Variants in HGD observed in about 807,000 individuals in gnomAD.
HGD encodes the protein homogentisate oxidase.
In HGD, 61 loss-of-function variants were observed where a neutral mutation model predicts 60.8. The observed-to-expected ratio is 1.00, with a 90% CI of 0.82 to 1.24. The LOEUF (loss-of-function observed/expected upper bound fraction) is 1.24. Ranked by LOEUF, HGD falls within the 50% of genes most tolerant of loss-of-function variation. The probability of loss-of-function intolerance (pLI) is 0.00; values close to 1 mark genes in which losing one functional copy is unlikely to be tolerated. For synonymous variants in HGD, 212 were observed against 187.7 expected (o/e 1.13, Z -1.06); for missense variants, 542 against 547.1 (o/e 0.99, Z 0.09).
intron 13 of HGD, among the ~76,000 whole-genome samples, chr3:120,631,366 T>C (rs1940586706): frequency 6.6e-6 from 1 of 152,186 alleles, no homozygotes. Flanking sequence ...AATTGGATTG[T>C]TTGTAACACA....
intron 13 of HGD, among the ~76,000 whole-genome samples, chr3:120,629,802 T>A (rs1213247587): frequency 6.6e-6 from 1 of 152,016 alleles, no homozygotes; most frequent in Non-Finnish European, 1.5e-5. Context: ...TAGAAAGAAA[T>A]AAAGTGCATC....
intron 13 of HGD, among the ~76,000 whole-genome samples, chr3:120,631,515 G>C (rs770108282): frequency 1.3e-5 from 2 of 152,020 alleles, no homozygotes; most frequent in Non-Finnish European, 2.9e-5. Context: ...TAAATAATAA[G>C]TAATAAAGAT....
intron 13 of HGD, among the ~76,000 whole-genome samples, chr3:120,628,996 C>T (rs529829958): frequency 1.4e-4 from 22 of 152,038 alleles, no homozygotes; most frequent in East Asian, 3.9e-4. Context: ...GACAAGTCAT[C>T]GCAGAACTGG....
chr3:120,630,133 A>G (rs1407884191), intron 13 of HGD, among the ~76,000 whole-genome samples: 3 of 152,174 alleles, frequency 2.0e-5, no homozygotes, highest in Non-Finnish European at 4.4e-5. Context: ...GAAGACACAA[A>G]CAAATGGAAA....
chr3:120,660,531 A>G (rs1941629356), intron 4 of HGD, among the ~76,000 whole-genome samples: 1 of 152,226 alleles, frequency 6.6e-6, no homozygotes, highest in Non-Finnish European at 1.5e-5. Flanking sequence ...TTAGATTTCT[A>G]AAAGTCTTTC....
At chr3:120,664,381 TTTCTC>T (rs1707849521) in intron 4 of HGD, among the ~76,000 whole-genome samples, 1 of 152,022 alleles carries the variant, frequency 6.6e-6, no homozygotes, top group Non-Finnish European at 1.5e-5. Flanking sequence ...TAACTTTTCT[TTTCTC>T]TTTCTTTTCT....
intron 5 of HGD, 101 bp downstream of exon 5, chr3:120,652,491 G>T: frequency 2.3e-6 from 2 of 856,780 alleles, no homozygotes; most frequent in Non-Finnish European, 4.0e-6. Flanking sequence ...GCTGCCTCCT[G>T]ATAGGGCTGC....
At chr3:120,657,835 GA>G (rs1941543551) in intron 4 of HGD, among the ~76,000 whole-genome samples, 1 of 149,084 alleles carries the variant, frequency 6.7e-6, no homozygotes, top group Non-Finnish European at 1.5e-5. Flanking sequence ...GAGAGAGAGA[GA>G]GAAAGAGAGA....
chr3:120,630,847 C>CAT (rs1940570292), intron 13 of HGD, among the ~76,000 whole-genome samples: 3 of 78,516 alleles, frequency 3.8e-5, no homozygotes, highest in African/African-American at 1.2e-4. Context: ...CACACATACA[C>CAT]ACACACACAC....
At chr3:120,663,770 T>C (rs1707832137) in intron 4 of HGD, among the ~76,000 whole-genome samples, 1 of 46,004 alleles carries the variant, frequency 2.2e-5, no homozygotes, top group African/African-American at 4.4e-5. Flanking sequence ...TATCTCACAA[T>C]ATTAGGAATT....
At chr3:120,647,091 T>G (rs1435051158) in intron 7 of HGD, 39 bp from the exon 8 acceptor site, 1 of 1,501,808 alleles carries the variant, frequency 6.7e-7, no homozygotes, top group African/African-American at 1.4e-5. Flanking sequence ...GCAATTCTTT[T>G]GGTGTGATAA....
At chr3:120,661,789 A>G (rs1707773980) in intron 4 of HGD, among the ~76,000 whole-genome samples, 1 of 152,224 alleles carries the variant, frequency 6.6e-6, no homozygotes, top group African/African-American at 2.4e-5. Flanking sequence ...GTTGGCACAC[A>G]CCACTGAATG....
chr3:120,679,825 A>G (rs1030012727), intron 1 of HGD, among the ~76,000 whole-genome samples: 1 of 152,226 alleles, frequency 6.6e-6, no homozygotes, highest in African/African-American at 2.4e-5. Flanking sequence ...AGAAACAGCC[A>G]CACTGACACC....
chr3:120,646,937 TG>T (rs747487948), intron 8 of HGD, 35 bp downstream of exon 8: 6 of 1,519,112 alleles, frequency 3.9e-6, no homozygotes, highest in Non-Finnish European at 5.5e-6. Context: ...CCCAAATTAG[TG>T]AGAGGCAGGG....
At chr3:120,654,074 G>A (rs1941422912) in intron 4 of HGD, among the ~76,000 whole-genome samples, 1 of 152,138 alleles carries the variant, frequency 6.6e-6, no homozygotes. Flanking sequence ...GATTTTTTAG[G>A]GGAAGTTCTG....
chr3:120,681,267 G>A (rs753726885), intron 1 of HGD, among the ~76,000 whole-genome samples: 1 of 152,238 alleles, frequency 6.6e-6, no homozygotes, highest in Non-Finnish European at 1.5e-5. Context: ...GGGCAGTTCT[G>A]TTCAGTTACA....
chr3:120,634,883 A>G (rs1940709458), intron 12 of HGD, among the ~76,000 whole-genome samples: 1 of 152,232 alleles, frequency 6.6e-6, no homozygotes. Flanking sequence ...GGTGAGACCC[A>G]GATCATAGTT....
At chr3:120,675,922 A>G (rs1708121720) in intron 1 of HGD, 59 bp from the exon 2 acceptor site, 1 of 1,355,468 alleles carries the variant, frequency 7.4e-7, no homozygotes, top group Non-Finnish European at 1.1e-6. Flanking sequence ...CATTTCAGAA[A>G]ATTGGCAGTT....
intron 4 of HGD, among the ~76,000 whole-genome samples, chr3:120,657,701 C>G (rs916578103): frequency 7.2e-5 from 11 of 152,302 alleles, no homozygotes; most frequent in Non-Finnish European, 1.2e-4. Flanking sequence ...GTTCTTCAGA[C>G]TGTACAGGAA....
Sources: gnomAD v4.1 joint callset for allele counts (sites outside exome capture counted in the v4.1 genomes callset) on GRCh38, gnomAD v4.1.1 for gene constraint, MANE v1.5 for transcripts, NCBI Gene and HGNC (gene_info 2026-07-23, HGNC 2026-07-21) for gene names.